The following NIBAN2 variants were observed in gnomAD, a reference collection of about 807,000 sequenced individuals.
The protein encoded by NIBAN2 is protein Niban 2.
Under a neutral mutation model 81.8 loss-of-function variants are expected in NIBAN2, and 36 were observed. The ratio of observed to expected loss-of-function variants is 0.44; its 90% CI spans 0.34 to 0.58. NIBAN2 has a LOEUF of 0.58. NIBAN2 is among the 20% of genes least tolerant of loss of function. The pLI is 0.02. For missense variants in NIBAN2, 897 were observed against 1,014.1 expected, an observed-to-expected ratio of 0.88 and a Z score of 1.57; for synonymous variants, 445 against 441.6, an observed-to-expected ratio of 1.01 and a Z score of -0.10.
At chr9:127,555,117 T>C (rs1837643911) in intron 1 of NIBAN2, among the ~76,000 whole-genome samples, 1 of 152,220 alleles carries the variant, frequency 6.6e-6, no homozygotes, top group African/African-American at 2.4e-5. Context: ...TTTAATGGCT[T>C]CATATTATGC....
rs752056887 is a variant in NIBAN2, at chr9:127,507,031, C to G, written c.2055G>C (p.Lys685Asn). 6.3e-7 allele frequency: 1 copy of G among 1,590,682 alleles called. No individual in the cohort carries two copies. The highest frequency in any genetic ancestry group is 1.7e-5 in the Admixed American group (1 of 57,238). Residue 685 changes from lysine to asparagine, a missense_variant, in exon 14 of 14, where the codon AAG becomes AAC. Physicochemically the swap from Lys to Asn is moderately conservative, Grantham distance 94. This residue lies in a region of NIBAN2 where 619 missense variants were observed against 691.0 expected (regional missense o/e 0.90). Coordinates refer to ENST00000373312, the MANE Select transcript of NIBAN2 (RefSeq NM_022833.4). The surrounding 1 kb of genome is among the most constrained non-coding windows in gnomAD (Gnocchi z 6.8). ...GCGGCGAGGAGGCCTCGGGGGCGGC[C>G]TTAGGCTGGGGACTCTCCCCAGCGG... ...GAPAGESPQP[K>N]AAPEASSPPA...
At chr9:127,551,793 C>A (rs1293608273) in intron 1 of NIBAN2, among the ~76,000 whole-genome samples, 1 of 152,182 alleles carries the variant, frequency 6.6e-6, no homozygotes, top group Admixed American at 6.5e-5. Context: ...GCCAGGCTGG[C>A]AAGAACCACA....
chr9:127,526,398 CAAAAAAAAAA>C (rs71495649), intron 3 of NIBAN2, among the ~76,000 whole-genome samples: 11 of 92,590 alleles, frequency 1.2e-4, no homozygotes, highest in Non-Finnish European at 1.4e-4. Flanking sequence ...GACTTCATCT[CAAAAAAAAAA>C]AAAAAAAGAA....
chr9:127,549,328 G>A (rs55848135), intron 1 of NIBAN2, among the ~76,000 whole-genome samples: 3,225 of 151,924 alleles, frequency 0.021, 74 homozygotes, highest in Non-Finnish European at 0.033. Context: ...ATGCCCACAC[G>A]CATGCACACT....
At chr9:127,527,036 A>C (rs1260563688) in intron 3 of NIBAN2, among the ~76,000 whole-genome samples, 158 bp downstream of exon 3, 1 of 152,040 alleles carries the variant, frequency 6.6e-6, no homozygotes, top group East Asian at 1.9e-4. Context: ...AGGGCAGCCC[A>C]GTTTGGGGGA....
chr9:127,560,971 T>C (rs1301789585), intron 1 of NIBAN2, among the ~76,000 whole-genome samples: 2 of 152,156 alleles, frequency 1.3e-5, no homozygotes, highest in African/African-American at 2.4e-5. Context: ...GGCATGGCCA[T>C]TGGGTCCAGA....
At position 127,510,140 on chromosome 9, in the gene NIBAN2, C is replaced by A; in HGVS notation, c.1161+6G>T. The stretch of plus-strand genomic sequence containing the variant: ...GACCCCCTCCTAGGGGCGGTGCCGG[C>A]CTCACCTCGCCCAGCTTGTCAATGC... On this transcript the variant is annotated splice_donor_region_variant and intron_variant, in intron 9 of 13. Coordinates refer to ENST00000373312, the MANE Select transcript of NIBAN2 (RefSeq NM_022833.4). The A allele has an allele frequency of 6.2e-7, 1 of 1,605,888 alleles. No homozygotes were observed. Among genetic ancestry groups the A allele is most frequent in the South Asian group, 1.1e-5 (1 of 89,916 alleles).
chr9:127,572,464 A>G (rs78296608), upstream of NIBAN2, among the ~76,000 whole-genome samples: 1,765 of 152,348 alleles, frequency 0.012, 17 homozygotes, highest in Middle Eastern at 0.02. Flanking sequence ...AAATGACTTC[A>G]GAGAGTAATA....
chr9:127,556,253 C>A (rs749926890), intron 1 of NIBAN2, among the ~76,000 whole-genome samples: 1 of 152,020 alleles, frequency 6.6e-6, no homozygotes, highest in South Asian at 2.1e-4. Context: ...TTCGTGCCTG[C>A]GGGTCTGAGA....
chr9:127,578,864 AC>A, intron 1 of NIBAN2: 1 of 1,571,756 alleles, frequency 6.4e-7, no homozygotes, highest in African/African-American at 1.4e-5. Context: ...CTCTAAACAA[AC>A]AAACAAAAAA....
chr9:127,578,354 CAA>C (rs150337961), intron 1 of NIBAN2, among the ~76,000 whole-genome samples: 4,412 of 83,362 alleles, frequency 0.053, 119 homozygotes, highest in African/African-American at 0.11. Context: ...GACTTGGTCT[CAA>C]AAAAAAAAAA....
At chr9:127,550,046 G>A (rs1457551771) in intron 1 of NIBAN2, among the ~76,000 whole-genome samples, 2 of 152,204 alleles carry the variant, frequency 1.3e-5, no homozygotes, top group Middle Eastern at 3.2e-3. Flanking sequence ...TTGAGGGTGA[G>A]TGGGGACCGC....
intron 5 of NIBAN2, among the ~76,000 whole-genome samples, chr9:127,519,066 T>G (rs1401762260): frequency 6.7e-6 from 1 of 148,418 alleles, no homozygotes; most frequent in Non-Finnish European, 1.5e-5. Flanking sequence ...TCCCAGCTAC[T>G]AGGGAGACTG....
At chr9:127,539,762 G>A (rs1316856084) in intron 1 of NIBAN2, among the ~76,000 whole-genome samples, 1 of 152,026 alleles carries the variant, frequency 6.6e-6, no homozygotes, top group Admixed American at 6.5e-5. Flanking sequence ...AGCCCCCTCG[G>A]GCCAGACAAA....
intron 1 of NIBAN2, among the ~76,000 whole-genome samples, chr9:127,550,857 C>T (rs747725814): frequency 6.6e-6 from 1 of 152,164 alleles, no homozygotes; most frequent in Non-Finnish European, 1.5e-5. Flanking sequence ...TCAGATCCTC[C>T]GCGTCCTCTT....
rs1241045536 is a variant in NIBAN2 at position 127,507,332 on chromosome 9, G to A, written c.1754C>T (p.Ala585Val). The A allele has an allele frequency of 1.9e-6, 3 of 1,557,346 alleles. No individual in the cohort carries two copies. The highest frequency in any genetic ancestry group is 1.4e-5 in the African/African-American group (1 of 73,162). The part of the protein sequence containing the change: ...DPNLHLLAEG[A>V]PIDWGEEYSN... ...GTACTCCTCGCCCCAGTCGATGGGGGCGCCCTCGGCCAGCAGGTGCAGGTT... is the reference window on the plus strand; with the variant it reads ...GTACTCCTCGCCCCAGTCGATGGGGACGCCCTCGGCCAGCAGGTGCAGGTT... Residue 585 changes from alanine to valine, a missense_variant, in exon 14 of 14, where the codon GCC becomes GTC. By Grantham distance (64) the Ala-to-Val change is moderately conservative (BLOSUM62 0). This residue lies in a region of NIBAN2 where 619 missense variants were observed against 691.0 expected (regional missense o/e 0.90). Transcript: ENST00000373312. This position sits in a 1 kb window ranked among gnomAD's most constrained non-coding sequence, Gnocchi z 6.8.
intron 1 of NIBAN2, among the ~76,000 whole-genome samples, chr9:127,538,944 C>CAA (rs59404269): frequency 1.7e-5 from 2 of 114,518 alleles, no homozygotes; most frequent in East Asian, 5.3e-4. Flanking sequence ...GACTCCATCT[C>CAA]AAAAAAAAAA....
chr9:127,531,588 C>G (rs1205630717), intron 2 of NIBAN2, 60 bp downstream of exon 2: 39 of 1,556,114 alleles, frequency 2.5e-5, no homozygotes, highest in Non-Finnish European at 3.3e-5. Flanking sequence ...AAGGTCACTC[C>G]CCCGAGGCCA....
chr9:127,537,829 C>T (rs2132199859), intron 1 of NIBAN2, among the ~76,000 whole-genome samples: 2 of 152,334 alleles, frequency 1.3e-5, no homozygotes, highest in Middle Eastern at 6.8e-3. Context: ...TGTCAGTCCA[C>T]AAAACCTGCC....
Sources: gnomAD v4.1 joint callset for allele counts (sites outside exome capture counted in the v4.1 genomes callset) on GRCh38, gnomAD v4.1.1 for gene constraint, gnomAD v4.1.1 regional missense constraint, Gnocchi (gnomAD v3.1) non-coding constraint, MANE v1.5 for transcripts, NCBI Gene and HGNC (gene_info 2026-07-23, HGNC 2026-07-21) for gene names.